The following C10orf90 variants were observed in gnomAD, a reference collection of about 807,000 sequenced individuals.
The protein encoded by C10orf90 is (E2-independent) E3 ubiquitin-conjugating enzyme FATS.
C10orf90 carries 56 observed loss-of-function variants against 62.5 expected under a neutral mutation model. That is an observed-to-expected ratio of 0.90 (90% CI 0.72 to 1.12). C10orf90 has a LOEUF of 1.12. Ranked by LOEUF, C10orf90 falls within the 50% of genes most tolerant of loss-of-function variation. C10orf90 has a pLI of 0.00. For missense variants in C10orf90, 970 were observed against 880.4 expected, an observed-to-expected ratio of 1.10 and a Z score of -1.29; for synonymous variants, 386 against 340.4, an observed-to-expected ratio of 1.13 and a Z score of -1.47.
chr10:126,663,072 G>C (rs1368336612), intron 1 of C10orf90, among the ~76,000 whole-genome samples: 1 of 152,144 alleles, frequency 6.6e-6, no homozygotes, highest in Non-Finnish European at 1.5e-5. Context: ...TCTTTAATCT[G>C]TCTGCTCCAC....
chr10:126,445,805 G>GTATA (rs71029302), intron 7 of C10orf90, among the ~76,000 whole-genome samples: 1,321 of 100,682 alleles, frequency 0.013, 22 homozygotes, highest in African/African-American at 0.044. Flanking sequence ...AAACTGTGGT[G>GTATA]TATATATATA....
intron 7 of C10orf90, among the ~76,000 whole-genome samples, chr10:126,430,229 G>A (rs757172866): frequency 1.3e-5 from 2 of 152,136 alleles, no homozygotes; most frequent in African/African-American, 2.4e-5. Flanking sequence ...TAAGGACAAG[G>A]AAATCCCCCA....
chr10:126,507,876 T>A (rs1250541915), intron 3 of C10orf90, among the ~76,000 whole-genome samples: 1 of 152,124 alleles, frequency 6.6e-6, no homozygotes, highest in Admixed American at 6.5e-5. Flanking sequence ...ATGGATGTAG[T>A]TTACACATAA....
At chr10:126,430,951 G>A (rs1489132850) in intron 7 of C10orf90, among the ~76,000 whole-genome samples, 1 of 152,176 alleles carries the variant, frequency 6.6e-6, no homozygotes, top group Non-Finnish European at 1.5e-5. Context: ...CCTCTCTGGA[G>A]AAACATAACA....
chr10:126,582,081 C>T (rs941164993), intron 2 of C10orf90, among the ~76,000 whole-genome samples: 1 of 152,210 alleles, frequency 6.6e-6, no homozygotes, highest in African/African-American at 2.4e-5. Flanking sequence ...CAGCTCCTCT[C>T]CCAGGTCACC....
chr10:126,489,279 T>C (rs1861594805), intron 4 of C10orf90, among the ~76,000 whole-genome samples: 1 of 152,154 alleles, frequency 6.6e-6, no homozygotes, highest in Non-Finnish European at 1.5e-5. Flanking sequence ...AATCCCATTA[T>C]TATTCTACAG....
chr10:126,655,003 T>A (rs971747841), intron 1 of C10orf90, among the ~76,000 whole-genome samples: 3 of 152,098 alleles, frequency 2.0e-5, no homozygotes, highest in African/African-American at 7.2e-5. Flanking sequence ...TGGGTGCAAT[T>A]TGTGGCACCT....
chr10:126,653,899 T>C (rs1428734715), intron 1 of C10orf90, among the ~76,000 whole-genome samples: 2 of 152,258 alleles, frequency 1.3e-5, no homozygotes, highest in African/African-American at 4.8e-5. Context: ...ACTAATCTTC[T>C]TGTACATTTC....
intron 4 of C10orf90, among the ~76,000 whole-genome samples, chr10:126,480,637 C>T (rs1861116872): frequency 6.6e-6 from 1 of 152,214 alleles, no homozygotes; most frequent in South Asian, 2.1e-4. Flanking sequence ...ATGATTAGGA[C>T]CTGTGCTAAC....
chr10:126,638,812 G>C lies in C10orf90; in HGVS notation c.313+7753C>G, dbSNP rs1846004238. Among the ~76,000 whole-genome samples the C allele has an allele frequency of 2.0e-5, 3 of 152,294 alleles. No individual in the cohort carries two copies. In the South Asian group the frequency reaches 6.2e-4, roughly 32 times the overall value. On this transcript the variant is annotated intron_variant, in intron 2 of 9. Transcript: ENST00000488181. Reference sequence around the variant, plus strand: ...CCCAATGTGTTCACACGGTTCCTCAGTGCAGTCCTCACGGAGCCCTCCTCC... The same window carrying C: ...CCCAATGTGTTCACACGGTTCCTCACTGCAGTCCTCACGGAGCCCTCCTCC...
intron 7 of C10orf90, 116 bp from the exon 8 acceptor site, chr10:126,429,966 T>G (rs1032190566): frequency 2.2e-6 from 2 of 923,000 alleles, no homozygotes; most frequent in Non-Finnish European, 3.4e-6. Flanking sequence ...AGCCATATCC[T>G]GAGTCTAAGC....
At chr10:126,484,931 C>T (rs746883842) in intron 4 of C10orf90, among the ~76,000 whole-genome samples, 1 of 152,108 alleles carries the variant, frequency 6.6e-6, no homozygotes, top group Non-Finnish European at 1.5e-5. Flanking sequence ...CACTCTAATT[C>T]GTGGCTTAAT....
At chr10:126,535,018 A>G (rs1864195284) in intron 2 of C10orf90, among the ~76,000 whole-genome samples, 1 of 152,172 alleles carries the variant, frequency 6.6e-6, no homozygotes, top group African/African-American at 2.4e-5. Context: ...AAAGAGCCAC[A>G]TATTATCACC....
intron 2 of C10orf90, among the ~76,000 whole-genome samples, chr10:126,641,851 C>T (rs546812211): frequency 6.6e-6 from 1 of 152,240 alleles, no homozygotes; most frequent in South Asian, 2.1e-4. Flanking sequence ...CACAGGCCAA[C>T]AGATTTCAAA....
chr10:126,480,216 A>C (rs1861098491), intron 4 of C10orf90, among the ~76,000 whole-genome samples: 1 of 152,236 alleles, frequency 6.6e-6, no homozygotes, highest in Non-Finnish European at 1.5e-5. Flanking sequence ...ACACAAACAT[A>C]CTTTTACAGT....
chr10:126,596,599 C>G (rs139853197), intron 2 of C10orf90, among the ~76,000 whole-genome samples: 3 of 152,296 alleles, frequency 2.0e-5, no homozygotes, highest in African/African-American at 7.2e-5. Context: ...AGCCTACTTT[C>G]AATGTACTCA....
At chr10:126,546,628 C>A (rs1341166776) in intron 2 of C10orf90, among the ~76,000 whole-genome samples, 4 of 152,208 alleles carry the variant, frequency 2.6e-5, no homozygotes, top group Admixed American at 1.3e-4. Context: ...GAGCAGAGCT[C>A]TCCTCACTGC....
At chr10:126,499,381 A>T (rs1433900388) in intron 4 of C10orf90, among the ~76,000 whole-genome samples, 2 of 152,224 alleles carry the variant, frequency 1.3e-5, no homozygotes, top group Non-Finnish European at 2.9e-5. Context: ...ACAAAAGGGA[A>T]AAAGAAAAGT....
At chr10:126,633,464 G>A (rs1845890294) in intron 2 of C10orf90, among the ~76,000 whole-genome samples, 1 of 152,246 alleles carries the variant, frequency 6.6e-6, no homozygotes, top group Non-Finnish European at 1.5e-5. Flanking sequence ...GCTGGCCATT[G>A]CAGGGCTCCT....
Sources: allele counts gnomAD v4.1 joint callset (sites outside exome capture counted in the v4.1 genomes callset), GRCh38; gene constraint gnomAD v4.1.1; transcripts MANE v1.5; gene names NCBI Gene and HGNC (gene_info 2026-07-23, HGNC 2026-07-21).